The following AGBL4 variants were observed in gnomAD, a reference collection of about 807,000 sequenced individuals.
The protein encoded by AGBL4 is AGBL carboxypeptidase 4, also known as cytosolic carboxypeptidase 6.
A neutral mutation model predicts 66.4 loss-of-function variants in AGBL4; 58 were observed. The observed-to-expected ratio is 0.87, with a 90% CI of 0.71 to 1.09. AGBL4 has a LOEUF of 1.09. AGBL4 is among the 50% of genes least tolerant of loss of function. The pLI, the probability that AGBL4 is intolerant of heterozygous loss-of-function variation, is 0.00. For synonymous variants in AGBL4, 234 were observed against 222.9 expected (o/e 1.05, Z -0.44); for missense variants, 579 against 631.0 (o/e 0.92, Z 0.88).
chr1:49,746,351 A>G (rs993138216), intron 2 of AGBL4, among the ~76,000 whole-genome samples: 22 of 152,008 alleles, frequency 1.4e-4, no homozygotes, highest in Non-Finnish European at 2.7e-4. Context: ...TAACCATCAT[A>G]TTCATATCTC....
intron 11 of AGBL4, among the ~76,000 whole-genome samples, chr1:48,578,426 C>T (rs1006637560): frequency 1.3e-5 from 2 of 152,204 alleles, no homozygotes; most frequent in Non-Finnish European, 2.9e-5. Context: ...GTTTAGACTT[C>T]GGTTCCCAAA....
chr1:49,575,737 G>C (rs1467983621), intron 3 of AGBL4, among the ~76,000 whole-genome samples: 1 of 152,156 alleles, frequency 6.6e-6, no homozygotes, highest in Non-Finnish European at 1.5e-5. Flanking sequence ...CACTGACTTG[G>C]CAAATGCCTT....
chr1:48,839,923 G>C (rs1012538750), intron 6 of AGBL4, among the ~76,000 whole-genome samples: 1 of 152,076 alleles, frequency 6.6e-6, no homozygotes, highest in Non-Finnish European at 1.5e-5. Context: ...TTTTATATAA[G>C]AAGTCCTGTA....
At chr1:49,997,672 C>T (rs1273958076) in intron 1 of AGBL4, among the ~76,000 whole-genome samples, 3 of 151,992 alleles carry the variant, frequency 2.0e-5, no homozygotes, top group Non-Finnish European at 2.9e-5. Flanking sequence ...AACAAAGAAA[C>T]AATGGACGTA....
At chr1:48,637,429 G>A (rs1645685064) in intron 8 of AGBL4, among the ~76,000 whole-genome samples, 1 of 152,168 alleles carries the variant, frequency 6.6e-6, no homozygotes, top group African/African-American at 2.4e-5. Context: ...GGTTGAATGT[G>A]GTGAGTTTGC....
intron 2 of AGBL4, among the ~76,000 whole-genome samples, chr1:49,802,659 C>A (rs1377435857): frequency 6.6e-6 from 1 of 152,038 alleles, no homozygotes; most frequent in South Asian, 2.1e-4. Flanking sequence ...ACTAACCTAC[C>A]CCCGCCCTCA....
At chr1:49,348,218 A>G (rs991977375) in intron 3 of AGBL4, among the ~76,000 whole-genome samples, 5 of 152,024 alleles carry the variant, frequency 3.3e-5, no homozygotes, top group Admixed American at 3.3e-4. Context: ...GGAGATTGAG[A>G]CCATCCTGGT....
At chr1:48,695,932 A>T (rs1299043012) in intron 6 of AGBL4, among the ~76,000 whole-genome samples, 1 of 146,856 alleles carries the variant, frequency 6.8e-6, no homozygotes, top group Non-Finnish European at 1.5e-5. Flanking sequence ...CACTTGACCC[A>T]CTGGCCTGCA....
intron 3 of AGBL4, among the ~76,000 whole-genome samples, chr1:49,676,158 GTAAAAGTAA>G (rs1246193640): frequency 6.6e-6 from 1 of 152,002 alleles, no homozygotes; most frequent in Non-Finnish European, 1.5e-5. Flanking sequence ...GAGCAATTTG[GTAAAAGTAA>G]ACCTAAATTC....
intron 6 of AGBL4, among the ~76,000 whole-genome samples, chr1:48,804,225 A>T (rs554798965): frequency 2.0e-5 from 3 of 152,242 alleles, no homozygotes; most frequent in Admixed American, 6.5e-5. Context: ...TATCTCCTCT[A>T]CTGCCTCTTC....
chr1:49,097,679 G>A (rs545611815), intron 4 of AGBL4, among the ~76,000 whole-genome samples: 1 of 152,340 alleles, frequency 6.6e-6, no homozygotes, highest in Non-Finnish European at 1.5e-5. Context: ...CTCCGAGGTT[G>A]AAGCTATTCT....
At chr1:49,499,686 A>T (rs1378182555) in intron 3 of AGBL4, among the ~76,000 whole-genome samples, 1 of 151,688 alleles carries the variant, frequency 6.6e-6, no homozygotes, top group African/African-American at 2.4e-5. Context: ...TGTGAATGCC[A>T]TCATTTTGTT....
intron 4 of AGBL4, among the ~76,000 whole-genome samples, chr1:49,046,268 T>A (rs1442170390): frequency 3.3e-5 from 5 of 152,174 alleles, no homozygotes; most frequent in Non-Finnish European, 7.4e-5. Context: ...TATAGAGATA[T>A]AAATGGGAGA....
intron 3 of AGBL4, among the ~76,000 whole-genome samples, chr1:49,520,972 C>A (rs1027677517): frequency 3.9e-5 from 6 of 151,934 alleles, no homozygotes; most frequent in Admixed American, 1.3e-4. Context: ...TCACACCCAA[C>A]TAATTTTTGT....
intron 11 of AGBL4, among the ~76,000 whole-genome samples, chr1:48,554,515 C>A (rs1352852399): frequency 6.6e-6 from 1 of 152,144 alleles, no homozygotes; most frequent in Non-Finnish European, 1.5e-5. Context: ...ATATTTCAAG[C>A]AAAACAGCAA....
intron 6 of AGBL4, among the ~76,000 whole-genome samples, chr1:48,756,513 C>T (rs1643935136): frequency 6.6e-6 from 1 of 151,878 alleles, no homozygotes; most frequent in Admixed American, 6.6e-5. Flanking sequence ...AGGAGACCAG[C>T]AAGTATTCAT....
intron 5 of AGBL4, among the ~76,000 whole-genome samples, chr1:48,948,579 A>G (rs1406328308): frequency 6.6e-6 from 1 of 152,210 alleles, no homozygotes; most frequent in Non-Finnish European, 1.5e-5. Context: ...TCTCCAGGCC[A>G]TCATTTTCTG....
intron 3 of AGBL4, among the ~76,000 whole-genome samples, chr1:49,577,725 T>C (rs886829920): frequency 2.0e-5 from 3 of 152,200 alleles, no homozygotes; most frequent in African/African-American, 4.8e-5. Context: ...CTCAGGCTCA[T>C]GGAATTCACT....
At chr1:49,291,397 T>C (rs1644530906) in intron 3 of AGBL4, among the ~76,000 whole-genome samples, 1 of 152,160 alleles carries the variant, frequency 6.6e-6, no homozygotes, top group Non-Finnish European at 1.5e-5. Context: ...CCAATGTTTT[T>C]CATGAGCATA....
Sources: gnomAD v4.1 joint callset for allele counts (sites outside exome capture counted in the v4.1 genomes callset) on GRCh38, gnomAD v4.1.1 for gene constraint, MANE v1.5 for transcripts, NCBI Gene and HGNC (gene_info 2026-07-23, HGNC 2026-07-21) for gene names.